The following SLC8A1 variants were observed in gnomAD, a reference collection of about 807,000 sequenced individuals.
SLC8A1 encodes the protein sodium/calcium exchanger 1.
Under a neutral mutation model 68.3 loss-of-function variants are expected in SLC8A1, and 18 were observed. The ratio of observed to expected loss-of-function variants is 0.26; its 90% CI spans 0.18 to 0.39. SLC8A1 has a LOEUF of 0.39. Ranked by LOEUF, SLC8A1 falls within the 10% of genes least tolerant of loss-of-function variation. The pLI is 1.00. For missense variants in SLC8A1, 985 were observed against 1,156.7 expected (o/e 0.85, Z 2.15); for synonymous variants, 475 against 415.5 (o/e 1.14, Z -1.74).
chr2:40,439,173 G>C (rs1163099417), intron 1 of SLC8A1, among the ~76,000 whole-genome samples: 1 of 152,030 alleles, frequency 6.6e-6, no homozygotes, highest in Non-Finnish European at 1.5e-5. Context: ...TTAAAGCACT[G>C]GAGGTAATAT....
intron 7 of SLC8A1, among the ~76,000 whole-genome samples, chr2:40,129,483 G>T (rs1328524990): frequency 1.3e-5 from 2 of 152,156 alleles, no homozygotes; most frequent in East Asian, 3.9e-4. Flanking sequence ...CGATCCTCCT[G>T]CCTTGGCCTC....
intron 1 of SLC8A1, among the ~76,000 whole-genome samples, chr2:40,442,406 A>G (rs1700673229): frequency 6.6e-6 from 1 of 150,912 alleles, no homozygotes; most frequent in Non-Finnish European, 1.5e-5. Context: ...ACAAAAAAAA[A>G]AAAAAAGAAA....
intron 5 of SLC8A1, 85 bp from the exon 9 acceptor site, chr2:40,160,949 G>T: frequency 1.1e-6 from 1 of 937,416 alleles, no homozygotes; most frequent in Non-Finnish European, 1.7e-6. Flanking sequence ...TGAAACTCCA[G>T]AGTTATATAA....
intron 2 of SLC8A1, among the ~76,000 whole-genome samples, chr2:40,400,245 C>A (rs1169900417): frequency 1.3e-5 from 2 of 152,156 alleles, no homozygotes; most frequent in Non-Finnish European, 2.9e-5. Context: ...GGAGTTTTGT[C>A]TGCGGCTTGT....
chr2:40,341,653 C>A (rs13012983), intron 2 of SLC8A1, among the ~76,000 whole-genome samples: 43,718 of 152,072 alleles, frequency 0.29, 7,685 homozygotes, highest in South Asian at 0.44. Context: ...CTTCTTCCAA[C>A]GTAAAAATTG....
chr2:40,461,228 G>T, intron 1 of SLC8A1, among the ~76,000 whole-genome samples: 1 of 152,140 alleles, frequency 6.6e-6, no homozygotes, highest in East Asian at 1.9e-4. Context: ...GCATATCAAG[G>T]TGCGGATGGA....
intron 1 of SLC8A1, among the ~76,000 whole-genome samples, chr2:40,466,803 T>A (rs1261624991): frequency 6.6e-6 from 1 of 152,170 alleles, no homozygotes; most frequent in Non-Finnish European, 1.5e-5. Flanking sequence ...TTGGACTCTG[T>A]ATTTCCAATA....
intron 2 of SLC8A1, among the ~76,000 whole-genome samples, chr2:40,313,040 T>G (rs1339897669): frequency 6.6e-6 from 1 of 152,114 alleles, no homozygotes; most frequent in Non-Finnish European, 1.5e-5. Flanking sequence ...TATATGTACC[T>G]TTGCCATAAT....
At chr2:40,391,891 A>G (rs1685381548) in intron 2 of SLC8A1, among the ~76,000 whole-genome samples, 1 of 152,122 alleles carries the variant, frequency 6.6e-6, no homozygotes, top group South Asian at 2.1e-4. Flanking sequence ...TTCTACCAAT[A>G]TCGCCCCACT....
At chr2:40,440,467 G>C (rs1259685928) in intron 1 of SLC8A1, among the ~76,000 whole-genome samples, 1 of 152,034 alleles carries the variant, frequency 6.6e-6, no homozygotes, top group African/African-American at 2.4e-5. Flanking sequence ...TGATTAATAG[G>C]AGAACATTCA....
chr2:40,319,475 T>C (rs1485796221), intron 2 of SLC8A1, among the ~76,000 whole-genome samples: 5 of 152,140 alleles, frequency 3.3e-5, no homozygotes, highest in African/African-American at 1.2e-4. Flanking sequence ...ACCTGGTTGA[T>C]CCAGCTTTGG....
At chr2:40,483,748 C>G (rs1559761902) in intron 1 of SLC8A1, among the ~76,000 whole-genome samples, 1 of 152,168 alleles carries the variant, frequency 6.6e-6, no homozygotes, top group Non-Finnish European at 1.5e-5. Context: ...TCTCTTCCCT[C>G]TTTGTCTTTT....
At chr2:40,167,251 C>T (rs1160190527) in intron 4 of SLC8A1, among the ~76,000 whole-genome samples, 2 of 152,152 alleles carry the variant, frequency 1.3e-5, no homozygotes, top group Non-Finnish European at 2.9e-5. Context: ...CCTAGTATCT[C>T]GACTTTTGTA....
intron 1 of SLC8A1, among the ~76,000 whole-genome samples, chr2:40,469,678 C>A (rs1400209308): frequency 2.0e-5 from 3 of 152,114 alleles, no homozygotes; most frequent in African/African-American, 7.2e-5. Flanking sequence ...TTGCTGATTG[C>A]ATTTCTGTGT....
exon 8 of SLC8A1, chr2:40,098,038 A>T (rs988809863): frequency 1.3e-5 from 2 of 152,004 alleles, no homozygotes; most frequent in African/African-American, 4.8e-5. Flanking sequence ...AGTGTAAATC[A>T]CATATATCTT....
intron 7 of SLC8A1, chr2:40,123,110 C>T (rs2037289150): frequency 6.6e-6 from 1 of 152,166 alleles, no homozygotes; most frequent in African/African-American, 2.4e-5. Context: ...CTACACACAC[C>T]TAGAATAGGA....
intron 1 of SLC8A1, among the ~76,000 whole-genome samples, chr2:40,437,270 A>G (rs1319092943): frequency 6.6e-6 from 1 of 152,138 alleles, no homozygotes; most frequent in Non-Finnish European, 1.5e-5. Flanking sequence ...TAGGTACTTA[A>G]CCTGCCATGC....
chr2:40,261,332 TTC>T (rs548061106), intron 2 of SLC8A1, among the ~76,000 whole-genome samples: 73 of 152,304 alleles, frequency 4.8e-4, no homozygotes, highest in Admixed American at 2.9e-3. Flanking sequence ...TCTTTTCAGA[TTC>T]TCTTTCTTGG....
chr2:40,147,074 GA>G (rs2042607983), intron 6 of SLC8A1, among the ~76,000 whole-genome samples: 1 of 152,164 alleles, frequency 6.6e-6, no homozygotes, highest in African/African-American at 2.4e-5. Context: ...CATAGCACAA[GA>G]AATATTTAAC....
Sources: allele counts gnomAD v4.1 joint callset (sites outside exome capture counted in the v4.1 genomes callset), GRCh38; gene constraint gnomAD v4.1.1; transcripts MANE v1.5; gene names NCBI Gene and HGNC (gene_info 2026-07-23, HGNC 2026-07-21).